NMNAT2: variants seen among roughly 807,000 people sequenced by gnomAD.
NMNAT2 encodes nicotinamide nucleotide adenylyltransferase 2.
A neutral mutation model predicts 41.6 loss-of-function variants in NMNAT2; 11 were observed. The observed-to-expected ratio is 0.26, with a 90% CI of 0.17 to 0.44. The LOEUF (loss-of-function observed/expected upper bound fraction) is 0.44. NMNAT2 is among the 20% of genes least tolerant of loss of function. The probability of loss-of-function intolerance (pLI) is 1.00; values close to 1 mark genes in which losing one functional copy is unlikely to be tolerated. For synonymous variants in NMNAT2, 148 were observed against 151.2 expected, an observed-to-expected ratio of 0.98 and a Z score of 0.16; for missense variants, 288 against 407.7, an observed-to-expected ratio of 0.71 and a Z score of 2.53.
rs114232016 is a variant in NMNAT2 at position 183,345,508 on chromosome 1, G to A, written c.86-51715C>T. ...ATGGGTTATGATGGGAGTAGAACTG[G>A]TGGCTTTATAAGAAGGGGAAGAGAG... On this transcript the variant is annotated intron_variant, in intron 1 of 10. Transcript: ENST00000287713. Among the ~76,000 whole-genome samples the A allele has an allele frequency of 2.8e-3, 433 of 152,036 alleles. 3 individuals are homozygous for A. Among genetic ancestry groups the A allele is most frequent in the African/African-American group, 0.01 (418 of 41,466 alleles).
intron 1 of NMNAT2, among the ~76,000 whole-genome samples, chr1:183,323,353 C>T (rs1048103484): frequency 6.6e-6 from 1 of 152,170 alleles, no homozygotes; most frequent in African/African-American, 2.4e-5. Context: ...ATCCTTGCTT[C>T]CTCTTTCACC....
At chr1:183,292,613 A>G (rs1182225450) in intron 3 of NMNAT2, among the ~76,000 whole-genome samples, 177 bp downstream of exon 3, 1 of 152,216 alleles carries the variant, frequency 6.6e-6, no homozygotes, top group African/African-American at 2.4e-5. Context: ...TTTGGTTCAA[A>G]AATAAAGTTA....
At chr1:183,320,425 G>A (rs930821604) in intron 1 of NMNAT2, among the ~76,000 whole-genome samples, 28 of 152,104 alleles carry the variant, frequency 1.8e-4, no homozygotes, top group Non-Finnish European at 3.8e-4. Flanking sequence ...CCAACGTGGT[G>A]AAACCCCTGT....
intron 8 of NMNAT2, among the ~76,000 whole-genome samples, chr1:183,275,312 T>C (rs1281589375): frequency 2.0e-5 from 3 of 152,070 alleles, no homozygotes; most frequent in Non-Finnish European, 4.4e-5. Flanking sequence ...TTCACACTCA[T>C]TATGTGAGGA....
At chr1:183,416,240 A>T (rs1325443921) in intron 1 of NMNAT2, among the ~76,000 whole-genome samples, 3 of 152,222 alleles carry the variant, frequency 2.0e-5, no homozygotes, top group Non-Finnish European at 4.4e-5. Context: ...AATCTAAAAC[A>T]ACTGGGATTT....
rs369244841 is a variant in NMNAT2, at chr1:183,403,760, A to G, written c.85+14423T>C. Among the ~76,000 whole-genome samples the G allele has an allele frequency of 2.6e-5, 4 of 152,224 alleles. 1 individual carries two copies. The highest frequency in any genetic ancestry group is 1.9e-4 in the East Asian group (1 of 5,200). On this transcript the variant is annotated intron_variant, in intron 1 of 10. Transcript: ENST00000287713. ...TCTTTATTCACTACATTTAAATGCA[A>G]ATGATAACAAAATTGCATGACAATA...
intron 1 of NMNAT2, among the ~76,000 whole-genome samples, chr1:183,404,614 T>C (rs1056062585): frequency 2.0e-5 from 3 of 152,148 alleles, no homozygotes; most frequent in Non-Finnish European, 4.4e-5. Context: ...AGAGGAAGAA[T>C]GGCCCATTGT....
chr1:183,364,024 T>C lies in NMNAT2; in HGVS notation c.85+54159A>G, dbSNP rs573701592. Among the ~76,000 whole-genome samples the C allele has an allele frequency of 4.2e-3, 642 of 152,358 alleles. 2 individuals carry two copies. The highest frequency in any genetic ancestry group is 0.01 in the Middle Eastern group (3 of 294). On this transcript the variant is annotated intron_variant, in intron 1 of 10. Transcript: ENST00000287713. ...TTCATCCTGCTATCATGTGCTGTCTTTCTTTCCATTAAAGCTCAGCTCAAA... is the reference window on the plus strand; with the variant it reads ...TTCATCCTGCTATCATGTGCTGTCTCTCTTTCCATTAAAGCTCAGCTCAAA...
intron 1 of NMNAT2, among the ~76,000 whole-genome samples, chr1:183,325,478 A>G (rs1444650891): frequency 1.3e-5 from 2 of 152,220 alleles, no homozygotes; most frequent in African/African-American, 4.8e-5. Flanking sequence ...ACTCAGGACT[A>G]TCTTTATGGT....
At chr1:183,367,662 A>C (rs769753050) in intron 1 of NMNAT2, among the ~76,000 whole-genome samples, 2 of 152,204 alleles carry the variant, frequency 1.3e-5, no homozygotes, top group African/African-American at 2.4e-5. Flanking sequence ...CACATTGTTG[A>C]CCACATAACT....
At chr1:183,293,892 A>G (rs1213291213) in intron 1 of NMNAT2, 99 bp from the exon 2 acceptor site, 1 of 796,520 alleles carries the variant, frequency 1.3e-6, no homozygotes, top group African/African-American at 1.7e-5. Context: ...GCTGGGGTTT[A>G]TTTCCCATCT....
intron 1 of NMNAT2, among the ~76,000 whole-genome samples, chr1:183,316,086 T>C (rs1193046462): frequency 6.6e-6 from 1 of 152,164 alleles, no homozygotes; most frequent in Non-Finnish European, 1.5e-5. Flanking sequence ...TTTCTGTCCA[T>C]CCCTGACATC....
chr1:183,306,419 C>T (rs1373617207), intron 1 of NMNAT2, among the ~76,000 whole-genome samples: 1 of 152,142 alleles, frequency 6.6e-6, no homozygotes, highest in Non-Finnish European at 1.5e-5. Flanking sequence ...TTGTTTTAAG[C>T]TAATACGTTT....
rs200781752 is a variant in NMNAT2 at position 183,370,892 on chromosome 1, C to T, written c.85+47291G>A. On this transcript the variant is annotated intron_variant, in intron 1 of 10. Coordinates refer to ENST00000287713, the MANE Select transcript of NMNAT2 (RefSeq NM_015039.4). The stretch of plus-strand genomic sequence containing the variant: ...TGTCCGGTGTGCTTTCCCACTATAG[C>T]CCCAGAGCCTCAGGGAGGGTTGAGG... Among the ~76,000 whole-genome samples the T allele has an allele frequency of 2.6e-5, 4 of 152,286 alleles. No homozygotes were observed. The East Asian group carries it at 7.7e-4, about 29-fold the overall frequency.
chr1:183,341,733 A>AC (rs2102345770), intron 1 of NMNAT2, among the ~76,000 whole-genome samples: 1 of 139,986 alleles, frequency 7.1e-6, no homozygotes, highest in African/African-American at 2.6e-5. Context: ...ACCAAAAAAA[A>AC]AAAAAAAAAA....
At chr1:183,304,859 C>G in intron 1 of NMNAT2, 1 of 1,557,238 alleles carries the variant, frequency 6.4e-7, no homozygotes, top group Non-Finnish European at 8.7e-7. Flanking sequence ...CTACCTCCAG[C>G]TTGGGAGAAT....
intron 1 of NMNAT2, among the ~76,000 whole-genome samples, chr1:183,386,548 C>G (rs776733731): frequency 6.6e-6 from 1 of 151,970 alleles, no homozygotes; most frequent in South Asian, 2.1e-4. Flanking sequence ...GGAGAAATAA[C>G]CTCACAATAG....
At chr1:183,355,883 T>C (rs1247072628) in intron 1 of NMNAT2, among the ~76,000 whole-genome samples, 1 of 152,204 alleles carries the variant, frequency 6.6e-6, no homozygotes, top group Non-Finnish European at 1.5e-5. Context: ...TGTTGTACCA[T>C]TATCCTCTTA....
intron 1 of NMNAT2, among the ~76,000 whole-genome samples, chr1:183,330,998 CT>C (rs1438980054): frequency 6.6e-6 from 1 of 152,080 alleles, no homozygotes; most frequent in Non-Finnish European, 1.5e-5. Context: ...CCTTTCATTT[CT>C]TTTTTTCTCT....
Sources: allele counts gnomAD v4.1 joint callset (sites outside exome capture counted in the v4.1 genomes callset), GRCh38; gene constraint gnomAD v4.1.1; transcripts MANE v1.5; gene names NCBI Gene and HGNC (gene_info 2026-07-23, HGNC 2026-07-21).